The following ROBO2 variants were observed in gnomAD, a reference collection of about 807,000 sequenced individuals.
The protein encoded by ROBO2 is roundabout homolog 2.
In ROBO2, 53 loss-of-function variants were observed where a neutral mutation model predicts 160.8. That is an observed-to-expected ratio of 0.33 (90% CI 0.26 to 0.41). The LOEUF is 0.41. Ranked by LOEUF, ROBO2 falls within the 10% of genes least tolerant of loss-of-function variation. The pLI is 1.00. For synonymous variants in ROBO2, 664 were observed against 611.7 expected (o/e 1.09, Z -1.26); for missense variants, 1,577 against 1,722.4 (o/e 0.92, Z 1.49).
At chr3:76,057,180 C>G (rs1367266824) in intron 2 of ROBO2, among the ~76,000 whole-genome samples, 1 of 152,144 alleles carries the variant, frequency 6.6e-6, no homozygotes. Flanking sequence ...GTGCTTCAAT[C>G]TGATACTAGG....
At chr3:76,249,647 G>A (rs932131409) in intron 2 of ROBO2, among the ~76,000 whole-genome samples, 1 of 152,092 alleles carries the variant, frequency 6.6e-6, no homozygotes, top group African/African-American at 2.4e-5. Flanking sequence ...CGTGGTCACA[G>A]TGTGTCTATG....
chr3:76,682,161 G>T (rs143257230), intron 2 of ROBO2, among the ~76,000 whole-genome samples: 2 of 152,194 alleles, frequency 1.3e-5, no homozygotes, highest in African/African-American at 4.8e-5. Flanking sequence ...GGGATGGCAG[G>T]GGGTGGACGT....
At chr3:77,603,759 C>T (rs2094474633) in intron 20 of ROBO2, 1 of 151,968 alleles carries the variant, frequency 6.6e-6, no homozygotes, top group Non-Finnish European at 1.5e-5. Flanking sequence ...TTTTCCTGGC[C>T]CAAAGATCCT....
At chr3:76,778,420 T>C (rs2062417780) in intron 2 of ROBO2, among the ~76,000 whole-genome samples, 1 of 151,140 alleles carries the variant, frequency 6.6e-6, no homozygotes, top group Non-Finnish European at 1.5e-5. Context: ...TGTGAGATTC[T>C]TCAGCTCCTG....
At chr3:77,632,980 A>T (rs1184468458) in intron 23 of ROBO2, 1 of 190,516 alleles carries the variant, frequency 5.2e-6, no homozygotes, top group African/African-American at 2.3e-5. Context: ...ATTTTGCAAA[A>T]TCCTCATACA....
chr3:76,301,726 C>T (rs943419889), intron 2 of ROBO2, among the ~76,000 whole-genome samples: 3 of 152,094 alleles, frequency 2.0e-5, no homozygotes, highest in African/African-American at 4.8e-5. Flanking sequence ...CTCGTTTTCT[C>T]TCAAATGAAC....
intron 4 of ROBO2, among the ~76,000 whole-genome samples, chr3:77,490,604 A>G (rs1428187988): frequency 1.3e-5 from 2 of 152,140 alleles, no homozygotes; most frequent in African/African-American, 2.4e-5. Context: ...AGTAATATAA[A>G]TCTGCCGAAC....
intron 2 of ROBO2, among the ~76,000 whole-genome samples, chr3:76,018,815 GT>G (rs1471176924): frequency 6.6e-6 from 1 of 151,484 alleles, no homozygotes; most frequent in Non-Finnish European, 1.5e-5. Context: ...AACATGGTTA[GT>G]TTTTCTCTGA....
chr3:76,501,873 C>A (rs1193547793), intron 2 of ROBO2, among the ~76,000 whole-genome samples: 1 of 152,084 alleles, frequency 6.6e-6, no homozygotes, highest in Non-Finnish European at 1.5e-5. Flanking sequence ...TTTACATGTA[C>A]GCTGTTTGAC....
At chr3:76,406,918 T>G (rs1336373774) in intron 2 of ROBO2, among the ~76,000 whole-genome samples, 1 of 151,838 alleles carries the variant, frequency 6.6e-6, no homozygotes, top group Non-Finnish European at 1.5e-5. Context: ...CCAATGGATT[T>G]TCATTACACT....
chr3:76,074,969 T>C (rs2068595548), intron 2 of ROBO2, among the ~76,000 whole-genome samples: 1 of 152,170 alleles, frequency 6.6e-6, no homozygotes, highest in Admixed American at 6.5e-5. Context: ...TCATATTCAC[T>C]AGAAACATAC....
chr3:77,034,170 A>C (rs1340417458), intron 2 of ROBO2, among the ~76,000 whole-genome samples: 1 of 151,908 alleles, frequency 6.6e-6, no homozygotes, highest in East Asian at 1.9e-4. Flanking sequence ...ACTCAAATTG[A>C]AATGTTATGA....
intron 2 of ROBO2, among the ~76,000 whole-genome samples, chr3:76,484,054 GA>G (rs1446964927): frequency 6.6e-6 from 1 of 152,158 alleles, no homozygotes; most frequent in Admixed American, 6.6e-5. Flanking sequence ...ATAACAGAAT[GA>G]TTTACATTCT....
chr3:76,446,076 A>G (rs1393607292), intron 2 of ROBO2, among the ~76,000 whole-genome samples: 1 of 152,170 alleles, frequency 6.6e-6, no homozygotes, highest in Admixed American at 6.5e-5. Context: ...ATGGTATTCA[A>G]TTAGGAAAAG....
Position 76,448,084 on chromosome 3 carries a change from TAAAAC to T in ROBO2, c.109+510487_109+510491del, listed in dbSNP as rs1326540196. ...AAGCAGAATAAATAAATAAATGAAA[TAAAAC>T]AAAAAAAGAAAAAACAAACAAACAA... On this transcript the variant is annotated intron_variant, in intron 2 of 26. Transcript: ENST00000487694. Among the ~76,000 whole-genome samples, 26 of 151,170 alleles carry T rather than the reference TAAAAC, an allele frequency of 1.7e-4. No homozygotes were observed. In the South Asian group the frequency reaches 2.1e-3, roughly 12 times the overall value.
At chr3:77,276,017 C>G (rs1205166106) in intron 2 of ROBO2, among the ~76,000 whole-genome samples, 1 of 152,070 alleles carries the variant, frequency 6.6e-6, no homozygotes, top group Non-Finnish European at 1.5e-5. Flanking sequence ...ATGAGTTTAG[C>G]AAACCTATCT....
intron 2 of ROBO2, among the ~76,000 whole-genome samples, chr3:75,957,293 T>G (rs959354509): frequency 6.6e-6 from 1 of 150,850 alleles, no homozygotes; most frequent in African/African-American, 2.4e-5. Context: ...TTCATTTGGT[T>G]TCTTTGTTCC....
intron 2 of ROBO2, among the ~76,000 whole-genome samples, chr3:76,556,647 G>T (rs984342487): frequency 6.6e-6 from 1 of 152,050 alleles, no homozygotes; most frequent in Admixed American, 6.6e-5. Flanking sequence ...TATCTCATGT[G>T]ACAAAAATAT....
intron 2 of ROBO2, among the ~76,000 whole-genome samples, chr3:76,939,804 A>C (rs1308008900): frequency 6.6e-6 from 1 of 151,752 alleles, no homozygotes; most frequent in Non-Finnish European, 1.5e-5. Flanking sequence ...TAAATAAATC[A>C]ATCAATCCCC....
Sources: gnomAD v4.1 joint callset for allele counts (sites outside exome capture counted in the v4.1 genomes callset) on GRCh38, gnomAD v4.1.1 for gene constraint, MANE v1.5 for transcripts, NCBI Gene and HGNC (gene_info 2026-07-23, HGNC 2026-07-21) for gene names.